TRAF7: variants seen among roughly 807,000 people sequenced by gnomAD.
TRAF7 encodes the protein E3 ubiquitin-protein ligase TRAF7.
In TRAF7, 45 loss-of-function variants were observed where a neutral mutation model predicts 89.3. The ratio of observed to expected loss-of-function variants is 0.50; its 90% CI spans 0.40 to 0.65. The LOEUF is 0.65. TRAF7 is among the 30% of genes least tolerant of loss of function. The pLI is 0.00. For synonymous variants in TRAF7, 406 were observed against 369.2 expected (o/e 1.10, Z -1.14); for missense variants, 677 against 918.1 (o/e 0.74, Z 3.39).
rs757728472 is a variant in TRAF7, at chr16:2,172,527, C to G, written c.722C>G (p.Pro241Arg). 2.5e-6 allele frequency: 4 copies of G among 1,592,384 alleles called. No individual in the cohort carries two copies. Among genetic ancestry groups the G allele is most frequent in the Admixed American group, 1.7e-5 (1 of 57,424 alleles). ...TGTCCCAACAACCCCAGCTGCCCCC[C>G]GCTGCTCAGGATGAACCTGGAGGCC... is the stretch of plus-strand genomic sequence containing the variant. ...VRCPNNPSCPPLLRMNLEAHL... is the reference protein window; with the variant it reads ...VRCPNNPSCPRLLRMNLEAHL... The change falls in exon 9 of 21, where the codon CCG (proline) becomes CGG (arginine). Residue 241 changes from proline (P) to arginine (R), a missense_variant. Pro to Arg is a moderately radical substitution (Grantham distance 103). This residue lies in a region of TRAF7 where 238 missense variants were observed against 352.6 expected (regional missense o/e 0.67). Coordinates refer to ENST00000326181, the MANE Select transcript of TRAF7 (RefSeq NM_032271.3).
intron 1 of TRAF7, among the ~76,000 whole-genome samples, chr16:2,160,121 A>G (rs1189984856): frequency 6.6e-6 from 1 of 152,076 alleles, no homozygotes; most frequent in Non-Finnish European, 1.5e-5. Flanking sequence ...CTTATTGCAC[A>G]GTGGGTGCCC....
chr16:2,170,199 G>A (rs1420050683), intron 4 of TRAF7, among the ~76,000 whole-genome samples: 3 of 152,194 alleles, frequency 2.0e-5, no homozygotes, highest in South Asian at 4.1e-4. Context: ...CCCAGCCGTC[G>A]CTCCCTGCCA....
intron 9 of TRAF7, 67 bp downstream of exon 9, chr16:2,172,666 T>C: frequency 6.7e-7 from 1 of 1,493,968 alleles, no homozygotes; most frequent in Non-Finnish European, 9.0e-7. Context: ...CGCTGAGAGC[T>C]GCCCGCTTGC....
At position 2,176,268 on chromosome 16, in the gene TRAF7, T is replaced by C; in HGVS notation, c.1882T>C (p.Trp628Arg). ...SASYDRSLRV[W>R]SMDNMICTQT... The stretch of plus-strand genomic sequence containing the variant: ...CTCACGTCCCATGTGCCCCCAGGTC[T>C]GGAGTATGGACAACATGATCTGCAC... Residue 628 changes from tryptophan to arginine, a missense_variant, in exon 20 of 21, where the codon TGG (tryptophan) becomes CGG (arginine). This residue lies in a region of TRAF7 where 160 missense variants were observed against 263.7 expected (regional missense o/e 0.61). Transcript: ENST00000326181. The C allele has an allele frequency of 6.2e-7, 1 of 1,601,848 alleles. No individual in the cohort carries two copies. The highest frequency in any genetic ancestry group is 1.1e-5 in the South Asian group (1 of 90,742).
chr16:2,176,340 T>G lies in TRAF7; in HGVS notation c.1954T>G (p.Ser652Ala), dbSNP rs1461609640. ...GGGCAGTGTCACCGCGCTGGCTGTG[T>G]CCCGGGGCCGACTCTTCTCAGGGGC... ...HQGSVTALAV[S>A]RGRLFSGAVD... The change falls in exon 20 of 21, where the codon TCC becomes GCC. Residue 652 changes from serine to alanine, a missense_variant. Around this residue, in one of 6 missense-constraint regions of TRAF7, gnomAD observed 23 missense variants for 31.7 expected, o/e 0.73. Coordinates refer to ENST00000326181, the MANE Select transcript of TRAF7 (RefSeq NM_032271.3). 6.2e-7 allele frequency: 1 copy of G among 1,604,646 alleles called. No individual in the cohort carries two copies. The highest frequency in any genetic ancestry group is 2.2e-5 in the East Asian group (1 of 44,732).
rs1481894447 is a variant in TRAF7, at chr16:2,178,117, T to C, written c.*1543T>C. On this transcript the variant is annotated 3_prime_UTR_variant, in exon 21 of 21. Transcript: ENST00000326181. ...CAGCTCATTCCCAATAAATTAATAC[T>C]CTTGATAGCTTATATTCTGGGGGTG... 2.0e-6 allele frequency: 1 copy of C among 506,744 alleles called. No individual in the cohort carries two copies. Among genetic ancestry groups the C allele is most frequent in the Non-Finnish European group, 3.8e-6 (1 of 261,074 alleles). 31.4% of individuals were successfully genotyped at this position (506,744 alleles called of 1,614,324 possible). A position where few individuals can be genotyped will look rare whatever the true frequency, so the allele number is the denominator to read the frequency against.
At chr16:2,175,666 C>T (rs756756297) in intron 17 of TRAF7, 44 bp downstream of exon 17, 28 of 1,599,692 alleles carry the variant, frequency 1.8e-5, no homozygotes, top group African/African-American at 2.7e-5. Flanking sequence ...TTGCCTCCTA[C>T]CAGCACTTCC....
At chr16:2,176,473 GGT>G in intron 20 of TRAF7, 85 bp from the exon 21 acceptor site, 1 of 1,613,094 alleles carries the variant, frequency 6.2e-7, no homozygotes, top group Non-Finnish European at 8.5e-7. Flanking sequence ...AGCACAAAGT[GGT>G]GGAGGGCAGG....
In TRAF7 at chr16:2,174,234, G is replaced by A. The variant is rs745427064; in HGVS notation, c.1264-17G>A. 7 of 1,611,092 alleles carry A rather than the reference G, an allele frequency of 4.3e-6. No individual in the cohort carries two copies. In the East Asian group the frequency reaches 1.3e-4, roughly 31 times the overall value. On this transcript the variant is annotated splice_polypyrimidine_tract_variant and intron_variant, in intron 13 of 20. Coordinates refer to ENST00000326181, the MANE Select transcript of TRAF7 (RefSeq NM_032271.3). ...GGCTGACCTTGCTGGGACCCACTGTGGCCCTGGTCTCTGCAGGTGTGGGAC... is the reference window on the plus strand; with the variant it reads ...GGCTGACCTTGCTGGGACCCACTGTAGCCCTGGTCTCTGCAGGTGTGGGAC...
chr16:2,159,179 A>T lies in TRAF7; in HGVS notation c.-39+3321A>T, dbSNP rs1176580320. The stretch of plus-strand genomic sequence containing the variant: ...ATACGGACGCTGGAGAGGCTTGGCC[A>T]GGGCAAGACAGGCCTGGAGGCTGAG... On this transcript the variant is annotated intron_variant, in intron 1 of 20. Coordinates refer to ENST00000326181, the MANE Select transcript of TRAF7 (RefSeq NM_032271.3). This position sits in a 1 kb window ranked among gnomAD's most constrained non-coding sequence, Gnocchi z 6.5. 3.3e-5 allele frequency among the ~76,000 whole-genome samples: 5 copies of T among 152,162 alleles called. No individual in the cohort carries two copies. The highest frequency in any genetic ancestry group is 1.3e-4 in the Admixed American group (2 of 15,284).
chr16:2,173,154 C>G, intron 9 of TRAF7, 28 bp from the exon 10 acceptor site: 1 of 1,589,764 alleles, frequency 6.3e-7, no homozygotes, highest in Non-Finnish European at 8.5e-7. Context: ...AGGGACCCGC[C>G]AGGCAGGCAG....
At position 2,177,960 on chromosome 16, in the gene TRAF7, A is replaced by C. The variant is rs2093147798; in HGVS notation, c.*1386A>C. ...CAGGCAGACAGCCTGGGCCTCTAAC[A>C]GCTTTTGTCCGGAGCTAGACTTCGT... is the stretch of plus-strand genomic sequence containing the variant. On this transcript the variant is annotated 3_prime_UTR_variant, in exon 21 of 21. Coordinates refer to ENST00000326181, the MANE Select transcript of TRAF7 (RefSeq NM_032271.3). 2.7e-6 allele frequency: 1 copy of C among 365,972 alleles called. No individual in the cohort carries two copies. Among genetic ancestry groups the C allele is most frequent in the Non-Finnish European group, 5.1e-6 (1 of 194,826 alleles). The allele number at this position is 365,972 out of a possible 1,614,324, so 22.7% of individuals were successfully genotyped here.
rs1319617364 is a variant in TRAF7 at position 2,161,213 on chromosome 16, C to T, written c.-38-2670C>T. ...TCCGTCCCCCTCCCTCCCTCCGTCC[C>T]CCTGCTTCCCTCTGCCCCCTCCCTC... On this transcript the variant is annotated intron_variant, in intron 1 of 20. Transcript: ENST00000326181. The surrounding 1 kb of genome is among the most constrained non-coding windows in gnomAD (Gnocchi z 5.2). 7.2e-6 allele frequency among the ~76,000 whole-genome samples: 1 copy of T among 139,228 alleles called. No individual in the cohort carries two copies. Among genetic ancestry groups the T allele is most frequent in the Non-Finnish European group, 1.6e-5 (1 of 63,448 alleles). The allele number at this position is 139,228 out of a possible 152,430, so 91.3% of individuals were successfully genotyped here.
At chr16:2,169,118 TG>T (rs2093098374) in intron 4 of TRAF7, among the ~76,000 whole-genome samples, 1 of 152,078 alleles carries the variant, frequency 6.6e-6, no homozygotes, top group Non-Finnish European at 1.5e-5. Context: ...CCCGAGTAGC[TG>T]GGATTACAGG....
intron 9 of TRAF7, 122 bp downstream of exon 9, chr16:2,172,721 G>A: frequency 1.6e-6 from 2 of 1,249,968 alleles, no homozygotes; most frequent in African/African-American, 1.5e-5. Flanking sequence ...ACCGGGGTCT[G>A]TAATCCTCTC....
intron 7 of TRAF7, 34 bp from the exon 8 acceptor site, chr16:2,172,157 A>G: frequency 3.7e-6 from 6 of 1,611,708 alleles, no homozygotes; most frequent in Non-Finnish European, 5.1e-6. Context: ...TGTGCCAGGC[A>G]GGCCGTGAGG....
Position 2,173,806 on chromosome 16 carries a change from A to G in TRAF7, c.1105A>G (p.Asn369Asp). ...CCTGCAGGACGAGCTGTCCCACATCAACGCGCGGCTGAACATGGGCATCCT... is the reference window on the plus strand; with the variant it reads ...CCTGCAGGACGAGCTGTCCCACATCGACGCGCGGCTGAACATGGGCATCCT... ...SMLNDELSHI[N>D]ARLNMGILGS... The change falls in exon 12 of 21, where the codon AAC (asparagine) becomes GAC (aspartate). Residue 369 changes from asparagine (N) to aspartate (D), a missense_variant. This residue lies in a region of TRAF7 where 238 missense variants were observed against 352.6 expected (regional missense o/e 0.67). Transcript: ENST00000326181. The G allele has an allele frequency of 6.2e-7, 1 of 1,610,606 alleles. No homozygotes were observed. Among genetic ancestry groups the G allele is most frequent in the Non-Finnish European group, 8.5e-7 (1 of 1,179,794 alleles).
In TRAF7 at chr16:2,174,998, C is replaced by T. The variant is rs1420572498; in HGVS notation, c.1347-113C>T. 4 of 1,339,096 alleles carry T rather than the reference C, an allele frequency of 3.0e-6. No individual in the cohort carries two copies. In the African/African-American group the frequency reaches 5.7e-5, roughly 19 times the overall value. The allele number at this position is 1,339,096 out of a possible 1,614,324, so 83.0% of individuals were successfully genotyped here. On this transcript the variant is annotated intron_variant, in intron 14 of 20. Transcript: ENST00000326181. ...TTAAGGACACAGCAGTGGCCTTGGC[C>T]CTGGGCCATGCTGCTGGTTCCTGAT...
chr16:2,163,195 C>G lies in TRAF7; in HGVS notation c.-38-688C>G, dbSNP rs1046292218. Among the ~76,000 whole-genome samples, 1 of 152,126 alleles carries G rather than the reference C, an allele frequency of 6.6e-6. No homozygotes were observed. Among genetic ancestry groups the G allele is most frequent in the South Asian group, 2.1e-4 (1 of 4,832 alleles). The stretch of plus-strand genomic sequence containing the variant: ...GTGATTCCCGCATGCCTTCTCCCTG[C>G]CCCCCCACCCACCAGCCCCTGAGCC... On this transcript the variant is annotated intron_variant, in intron 1 of 20. Coordinates refer to ENST00000326181, the MANE Select transcript of TRAF7 (RefSeq NM_032271.3). This position sits in a 1 kb window ranked among gnomAD's most constrained non-coding sequence, Gnocchi z 4.3.
Sources: allele counts gnomAD v4.1 joint callset (sites outside exome capture counted in the v4.1 genomes callset), GRCh38; gene constraint gnomAD v4.1.1; regional missense constraint gnomAD v4.1.1; non-coding constraint Gnocchi (gnomAD v3.1); transcripts MANE v1.5; gene names NCBI Gene and HGNC (gene_info 2026-07-23, HGNC 2026-07-21).